The following NAA60 variants were observed in gnomAD, a reference collection of about 807,000 sequenced individuals.
NAA60 encodes the protein N-alpha-acetyltransferase 60, NatF catalytic subunit, also known as N-alpha-acetyltransferase 60.
A neutral mutation model predicts 26.1 loss-of-function variants in NAA60; 8 were observed. The observed-to-expected ratio is 0.31, with a 90% CI of 0.18 to 0.55. NAA60 has a LOEUF of 0.55. NAA60 is among the 20% of genes least tolerant of loss of function. The pLI is 0.93. For synonymous variants in NAA60, 131 were observed against 122.5 expected (o/e 1.07, Z -0.46); for missense variants, 290 against 311.3 (o/e 0.93, Z 0.51).
At position 3,443,750 on chromosome 16, in the gene NAA60, G is replaced by C. The variant is rs1242752810; in HGVS notation, c.-164G>C. The stretch of plus-strand genomic sequence containing the variant: ...GCCTGCTGAAGTAGAGTCTTAGGGT[G>C]ACCCCAGGGGGACGTAATGTTTCCG... On this transcript the variant is annotated 5_prime_UTR_variant, in exon 1 of 8. Transcript: ENST00000407558. 6.5e-7 allele frequency: 1 copy of C among 1,530,312 alleles called. No homozygotes were observed. The allele number at this position is 1,530,312 out of a possible 1,614,324, so 94.8% of individuals were successfully genotyped here.
intron 2 of NAA60, among the ~76,000 whole-genome samples, chr16:3,466,444 A>G (rs901860981): frequency 2.0e-5 from 3 of 152,346 alleles, no homozygotes; most frequent in African/African-American, 7.2e-5. Flanking sequence ...TTGAGAAACA[A>G]GCCATGCGCA....
At chr16:3,457,908 C>T (rs1009399617) in intron 2 of NAA60, 3 of 390,132 alleles carry the variant, frequency 7.7e-6, no homozygotes, top group African/African-American at 2.0e-4. Flanking sequence ...ACGGAGCCTG[C>T]CCGCTCCCAA....
chr16:3,460,276 C>T (rs941714955), intron 2 of NAA60, among the ~76,000 whole-genome samples: 5 of 152,198 alleles, frequency 3.3e-5, no homozygotes, highest in African/African-American at 4.8e-5. Context: ...TCCACATCTG[C>T]GTCATCTCCA....
chr16:3,485,669 A>G lies in NAA60; in HGVS notation c.*409A>G. 1 of 456,636 alleles carries G rather than the reference A, an allele frequency of 2.2e-6. No individual in the cohort carries two copies. Among genetic ancestry groups the G allele is most frequent in the Non-Finnish European group, 4.4e-6 (1 of 226,930 alleles). The allele number at this position is 456,636 out of a possible 1,614,324, so 28.3% of individuals were successfully genotyped here. On this transcript the variant is annotated 3_prime_UTR_variant, in exon 8 of 8. Transcript: ENST00000407558. The stretch of plus-strand genomic sequence containing the variant: ...TGGAGGGGACTTTCTCCTGCAAGGG[A>G]GGAACGCAAGTATTATGGACACACT...
At chr16:3,468,870 C>T (rs1011865790) in intron 2 of NAA60, among the ~76,000 whole-genome samples, 1 of 152,130 alleles carries the variant, frequency 6.6e-6, no homozygotes, top group Admixed American at 6.5e-5. Flanking sequence ...GGTTAGGGAT[C>T]GAGACCATCC....
At chr16:3,477,989 C>T (rs1345393496) in intron 3 of NAA60, among the ~76,000 whole-genome samples, 1 of 151,966 alleles carries the variant, frequency 6.6e-6, no homozygotes, top group African/African-American at 2.4e-5. Context: ...CGCTTGAACC[C>T]AGGTGGCAGA....
chr16:3,464,756 A>G (rs1208193199), intron 2 of NAA60, among the ~76,000 whole-genome samples: 1 of 152,152 alleles, frequency 6.6e-6, no homozygotes, highest in Non-Finnish European at 1.5e-5. Flanking sequence ...AAACAGGTTG[A>G]CCCATTCACT....
chr16:3,466,165 T>G (rs1410735113), intron 2 of NAA60, among the ~76,000 whole-genome samples: 1 of 152,238 alleles, frequency 6.6e-6, no homozygotes, highest in Non-Finnish European at 1.5e-5. Context: ...ACCGGCAATT[T>G]GTTTGGCCAG....
intron 2 of NAA60, chr16:3,449,881 T>C (rs2034705654): frequency 5.2e-6 from 2 of 385,454 alleles, no homozygotes; most frequent in African/African-American, 4.1e-5. Flanking sequence ...TCTGCCACCA[T>C]GTGAGACATG....
At chr16:3,446,543 A>G (rs1436858352) in intron 1 of NAA60, among the ~76,000 whole-genome samples, 1 of 150,944 alleles carries the variant, frequency 6.6e-6, no homozygotes, top group African/African-American at 2.4e-5. Context: ...AAAAAAAAAA[A>G]AAAGAAAATA....
rs761734569 is a variant in NAA60 at position 3,486,308 on chromosome 16, C to A, written c.*1048C>A. The A allele has an allele frequency of 6.5e-6, 1 of 153,296 alleles. No homozygotes were observed. Among genetic ancestry groups the A allele is most frequent in the Non-Finnish European group, 1.5e-5 (1 of 68,820 alleles). The allele number at this position is 153,296 out of a possible 1,614,324, so 9.5% of individuals were successfully genotyped here. A position where few individuals can be genotyped will look rare whatever the true frequency, so the allele number is the denominator to read the frequency against. On this transcript the variant is annotated 3_prime_UTR_variant, in exon 8 of 8. Transcript: ENST00000407558. The stretch of plus-strand genomic sequence containing the variant: ...TTGCTGCCTGCCCTGCCCTCCGATG[C>A]AGGGGTGGGGTGGGGGGCGGAGTCC...
At chr16:3,450,883 T>C (rs2034756940) in intron 2 of NAA60, among the ~76,000 whole-genome samples, 1 of 152,136 alleles carries the variant, frequency 6.6e-6, no homozygotes, top group Admixed American at 6.6e-5. Context: ...TGTTTCATCA[T>C]CTGTAAAATG....
intron 2 of NAA60, among the ~76,000 whole-genome samples, chr16:3,453,550 A>G (rs1567364353): frequency 6.6e-6 from 1 of 152,236 alleles, no homozygotes; most frequent in East Asian, 1.9e-4. Flanking sequence ...CTGGGATTAC[A>G]GGCACGCACC....
chr16:3,451,184 A>G (rs2034769643), intron 2 of NAA60, among the ~76,000 whole-genome samples: 1 of 152,200 alleles, frequency 6.6e-6, no homozygotes, highest in African/African-American at 2.4e-5. Context: ...TTGTACCCAG[A>G]ATGGGGAAGG....
chr16:3,450,849 C>T (rs1449883366), intron 2 of NAA60, among the ~76,000 whole-genome samples: 1 of 152,078 alleles, frequency 6.6e-6, no homozygotes, highest in Non-Finnish European at 1.5e-5. Context: ...CATCATTCTG[C>T]ATGGTATAGA....
chr16:3,473,234 G>A (rs2036263973), intron 2 of NAA60, among the ~76,000 whole-genome samples: 1 of 152,040 alleles, frequency 6.6e-6, no homozygotes, highest in Non-Finnish European at 1.5e-5. Context: ...GGGTGTGTTA[G>A]TCCATTTTCA....
At chr16:3,461,880 A>G (rs2150967363) in intron 2 of NAA60, among the ~76,000 whole-genome samples, 1 of 152,220 alleles carries the variant, frequency 6.6e-6, no homozygotes, top group Non-Finnish European at 1.5e-5. Context: ...TTGAGCTCAC[A>G]AGTTCGAGAG....
intron 2 of NAA60, among the ~76,000 whole-genome samples, chr16:3,459,761 A>T (rs572459517): frequency 1.3e-5 from 2 of 152,202 alleles, no homozygotes; most frequent in Admixed American, 6.5e-5. Context: ...ACAGCTTTTT[A>T]AAAGGTCTGT....
At chr16:3,445,528 G>A (rs1378214919) in intron 1 of NAA60, among the ~76,000 whole-genome samples, 1 of 151,690 alleles carries the variant, frequency 6.6e-6, no homozygotes, top group Non-Finnish European at 1.5e-5. Flanking sequence ...ATCCACCTCG[G>A]CTTCCCAAAG....
Sources: gnomAD v4.1 joint callset for allele counts (sites outside exome capture counted in the v4.1 genomes callset) on GRCh38, gnomAD v4.1.1 for gene constraint, MANE v1.5 for transcripts, NCBI Gene and HGNC (gene_info 2026-07-23, HGNC 2026-07-21) for gene names.